Variants in KDM4C observed in about 807,000 individuals in gnomAD.
KDM4C encodes the protein lysine demethylase 4C.
KDM4C carries 81 observed loss-of-function variants against 129.3 expected under a neutral mutation model. The ratio of observed to expected loss-of-function variants is 0.63; its 90% CI spans 0.52 to 0.75. The LOEUF is 0.75. Among genes scored for constraint, KDM4C ranks in the 30% least tolerant of loss-of-function variants. The pLI is 0.00. For missense variants in KDM4C, 1,457 were observed against 1,304.0 expected, an observed-to-expected ratio of 1.12 and a Z score of -1.81; for synonymous variants, 573 against 456.1, an observed-to-expected ratio of 1.26 and a Z score of -3.26.
At chr9:6,887,024 A>G (rs887070094) in intron 6 of KDM4C, among the ~76,000 whole-genome samples, 1 of 152,216 alleles carries the variant, frequency 6.6e-6, no homozygotes, top group Non-Finnish European at 1.5e-5. Flanking sequence ...GTCAGACAGC[A>G]TCTACGCCTC....
At chr9:6,998,310 G>A (rs918027476) in intron 12 of KDM4C, among the ~76,000 whole-genome samples, 1 of 152,084 alleles carries the variant, frequency 6.6e-6, no homozygotes, top group African/African-American at 2.4e-5. Flanking sequence ...AGACAGAAGA[G>A]GTGGAATTGG....
At chr9:7,095,427 A>G (rs940630139) in intron 17 of KDM4C, among the ~76,000 whole-genome samples, 1 of 152,184 alleles carries the variant, frequency 6.6e-6, no homozygotes, top group African/African-American at 2.4e-5. Context: ...CTTCAGGCCC[A>G]AGGCCAAAAA....
chr9:7,043,940 G>T (rs1469359524), intron 15 of KDM4C, among the ~76,000 whole-genome samples: 1 of 151,756 alleles, frequency 6.6e-6, no homozygotes, highest in Non-Finnish European at 1.5e-5. Context: ...TCCCTGTTTT[G>T]CCATGTTTTG....
intron 1 of KDM4C, among the ~76,000 whole-genome samples, chr9:6,774,066 T>C (rs1220647201): frequency 6.6e-6 from 1 of 152,056 alleles, no homozygotes; most frequent in Non-Finnish European, 1.5e-5. Flanking sequence ...TTTTGTACTT[T>C]TAGTAGAGAC....
At chr9:6,823,479 A>G (rs1461930543) in intron 4 of KDM4C, among the ~76,000 whole-genome samples, 1 of 152,212 alleles carries the variant, frequency 6.6e-6, no homozygotes, top group Non-Finnish European at 1.5e-5. Flanking sequence ...AGGTAGCCAC[A>G]CTTCACTGTG....
At chr9:7,115,612 G>A (rs574257218) in intron 18 of KDM4C, among the ~76,000 whole-genome samples, 1 of 152,168 alleles carries the variant, frequency 6.6e-6, no homozygotes, top group Non-Finnish European at 1.5e-5. Context: ...AAAATGTAAT[G>A]AAAGTATATT....
At chr9:7,073,773 A>T (rs557807819) in intron 17 of KDM4C, among the ~76,000 whole-genome samples, 1 of 152,284 alleles carries the variant, frequency 6.6e-6, no homozygotes, top group Admixed American at 6.5e-5. Context: ...TTAGCCTTGC[A>T]GGGCCCATCA....
intron 19 of KDM4C, among the ~76,000 whole-genome samples, chr9:7,157,877 G>A (rs1481090381): frequency 6.6e-6 from 1 of 152,210 alleles, no homozygotes; most frequent in African/African-American, 2.4e-5. Context: ...CATAAAATGA[G>A]TTAGGGAGGA....
chr9:6,856,671 C>G (rs2130329972), intron 5 of KDM4C, among the ~76,000 whole-genome samples: 1 of 151,076 alleles, frequency 6.6e-6, no homozygotes, highest in South Asian at 2.1e-4. Flanking sequence ...CTCCTGGGCT[C>G]AAGTGATCCT....
intron 5 of KDM4C, among the ~76,000 whole-genome samples, chr9:6,872,550 C>T (rs539404766): frequency 4.0e-4 from 61 of 152,304 alleles, no homozygotes; most frequent in African/African-American, 1.4e-3. Context: ...AATCCAGGTG[C>T]TCCTGTATTG....
chr9:6,778,232 G>A (rs1823517236), intron 1 of KDM4C, among the ~76,000 whole-genome samples: 1 of 151,544 alleles, frequency 6.6e-6, no homozygotes, highest in Non-Finnish European at 1.5e-5. Flanking sequence ...TAGGATTACA[G>A]GCACCTGCCA....
chr9:6,750,680 T>C (rs925691798), intron 1 of KDM4C, among the ~76,000 whole-genome samples: 1 of 152,240 alleles, frequency 6.6e-6, no homozygotes, highest in African/African-American at 2.4e-5. Flanking sequence ...GAAATTGTAT[T>C]ATCTGGATTA....
chr9:7,101,613 A>G (rs1347777374), intron 17 of KDM4C, among the ~76,000 whole-genome samples: 1 of 152,140 alleles, frequency 6.6e-6, no homozygotes, highest in Non-Finnish European at 1.5e-5. Flanking sequence ...GAATAGGGCA[A>G]GTCCCTCCTT....
intron 5 of KDM4C, among the ~76,000 whole-genome samples, chr9:6,855,237 G>C (rs1839587666): frequency 6.6e-6 from 1 of 152,066 alleles, no homozygotes; most frequent in South Asian, 2.1e-4. Flanking sequence ...GAGGCGGGCA[G>C]ATCACGAGGT....
intron 1 of KDM4C, among the ~76,000 whole-genome samples, chr9:6,760,760 G>T (rs997630564): frequency 6.6e-6 from 1 of 151,188 alleles, no homozygotes; most frequent in African/African-American, 2.4e-5. Context: ...TTTTAGTAGA[G>T]ATGGGGTTTC....
chr9:7,165,387 T>A, intron 20 of KDM4C, 30 bp downstream of exon 20: 1 of 1,609,528 alleles, frequency 6.2e-7, no homozygotes, highest in Non-Finnish European at 8.5e-7. Context: ...TGATGCTTGC[T>A]AAGATTGACA....
chr9:6,855,153 A>G (rs1839569107), intron 5 of KDM4C, among the ~76,000 whole-genome samples: 1 of 152,186 alleles, frequency 6.6e-6, no homozygotes, highest in Non-Finnish European at 1.5e-5. Context: ...AATTTGTATT[A>G]ATAAGTGTTC....
At chr9:6,919,273 GTC>G (rs780125478) in intron 8 of KDM4C, among the ~76,000 whole-genome samples, 28 of 37,152 alleles carry the variant, frequency 7.5e-4, no homozygotes, top group Admixed American at 1.6e-3. Flanking sequence ...CTTTCTTTCT[GTC>G]TCTCTCTCTC....
intron 15 of KDM4C, among the ~76,000 whole-genome samples, chr9:7,021,088 C>T (rs1378758469): frequency 5.3e-5 from 8 of 151,262 alleles, no homozygotes; most frequent in Non-Finnish European, 1.0e-4. Context: ...CCTTTTCATA[C>T]ACCTGTTTGT....
Sources: gnomAD v4.1 joint callset for allele counts (sites outside exome capture counted in the v4.1 genomes callset) on GRCh38, gnomAD v4.1.1 for gene constraint, MANE v1.5 for transcripts, NCBI Gene and HGNC (gene_info 2026-07-23, HGNC 2026-07-21) for gene names.